Variants in AGFG1 observed in about 807,000 individuals in gnomAD.
AGFG1 encodes ArfGAP with FG repeats 1, also known as arf-GAP domain and FG repeat-containing protein 1.
A neutral mutation model predicts 60.6 loss-of-function variants in AGFG1; 10 were observed. The ratio of observed to expected loss-of-function variants is 0.16; its 90% CI spans 0.10 to 0.28. The LOEUF (loss-of-function observed/expected upper bound fraction) is 0.28. Ranked by LOEUF, AGFG1 falls within the 10% of genes least tolerant of loss-of-function variation. The pLI is 1.00. For missense variants in AGFG1, 537 were observed against 676.5 expected, an observed-to-expected ratio of 0.79 and a Z score of 2.29; for synonymous variants, 247 against 242.9, an observed-to-expected ratio of 1.02 and a Z score of -0.16.
intron 10 of AGFG1, among the ~76,000 whole-genome samples, chr2:227,550,701 C>G (rs747475052): frequency 2.6e-5 from 4 of 152,046 alleles, no homozygotes; most frequent in African/African-American, 4.8e-5. Context: ...TACAAACATA[C>G]GACTACAGGG....
chr2:227,497,646 T>C (rs951849271), intron 2 of AGFG1, among the ~76,000 whole-genome samples: 2 of 151,888 alleles, frequency 1.3e-5, no homozygotes, highest in Non-Finnish European at 2.9e-5. Flanking sequence ...TAGACATCTC[T>C]GTGGCATAAT....
intron 10 of AGFG1, among the ~76,000 whole-genome samples, chr2:227,537,394 AT>A (rs1383256114): frequency 6.6e-6 from 1 of 152,100 alleles, no homozygotes; most frequent in Non-Finnish European, 1.5e-5. Context: ...AGAAGTTTTT[AT>A]TTTCCCTATG....
intron 10 of AGFG1, among the ~76,000 whole-genome samples, chr2:227,544,679 C>T (rs1394957289): frequency 6.6e-6 from 1 of 152,116 alleles, no homozygotes; most frequent in Admixed American, 6.5e-5. Flanking sequence ...TCAGCATTTG[C>T]TTGTCTGTAA....
chr2:227,535,776 C>T (rs529426768), intron 8 of AGFG1, among the ~76,000 whole-genome samples: 1 of 152,030 alleles, frequency 6.6e-6, no homozygotes, highest in Non-Finnish European at 1.5e-5. Flanking sequence ...TGTAACACTT[C>T]CGGAAACATA....
intron 3 of AGFG1, among the ~76,000 whole-genome samples, chr2:227,521,855 T>C (rs1691836198): frequency 6.6e-6 from 1 of 152,136 alleles, no homozygotes; most frequent in African/African-American, 2.4e-5. Context: ...ATAATTACAG[T>C]TTATGTTATT....
chr2:227,554,391 C>T, intron 12 of AGFG1, 45 bp from the exon 13 acceptor site: 1 of 1,463,794 alleles, frequency 6.8e-7, no homozygotes, highest in Admixed American at 1.9e-5. Context: ...TTTGTACATG[C>T]ACTACTTTTG....
chr2:227,474,854 GTCAC>G (rs1559162108), intron 1 of AGFG1, among the ~76,000 whole-genome samples: 2 of 152,210 alleles, frequency 1.3e-5, no homozygotes, highest in Non-Finnish European at 1.5e-5. Flanking sequence ...TATTGAGAAT[GTCAC>G]TCAATCTATT....
In AGFG1 at chr2:227,496,078, A is replaced by G. The variant is rs1373502079; in HGVS notation, c.261+4438A>G. 3.3e-5 allele frequency among the ~76,000 whole-genome samples: 5 copies of G among 149,876 alleles called. No homozygotes were observed. In the South Asian group the frequency reaches 1.1e-3, roughly 32 times the overall value. ...GGTTACAGTGAGATTGTGCCACTGC[A>G]CTTCAGCCTGGGCAACAGAGTGAGA... is the stretch of plus-strand genomic sequence containing the variant. On this transcript the variant is annotated intron_variant, in intron 2 of 12. Coordinates refer to ENST00000310078, the MANE Select transcript of AGFG1 (RefSeq NM_004504.5).
At chr2:227,498,832 C>A (rs1363755616) in intron 2 of AGFG1, among the ~76,000 whole-genome samples, 2 of 152,124 alleles carry the variant, frequency 1.3e-5, no homozygotes, top group African/African-American at 4.8e-5. Flanking sequence ...CAGTGTATTT[C>A]TTTCTAGCTG....
Position 227,536,632 on chromosome 2 carries a change from T to C in AGFG1, c.1213T>C (p.Phe405Leu), listed in dbSNP as rs779154925. The C allele has an allele frequency of 9.3e-6, 15 of 1,613,462 alleles. No individual in the cohort carries two copies. The highest frequency in any genetic ancestry group is 1.2e-5 in the Non-Finnish European group (14 of 1,179,628). Residue 405 changes from phenylalanine to leucine, a missense_variant, in exon 9 of 13, where the codon TTT becomes CTT. Coordinates refer to ENST00000310078, the MANE Select transcript of AGFG1 (RefSeq NM_004504.5). ...TSTSNASSNVFGTVPVVASAQ... is the reference protein window; with the variant it reads ...TSTSNASSNVLGTVPVVASAQ... ...TTCAATATTTGTTCTCAGCAATGTT[T>C]TTGGAACAGTGCCAGTGGTTGCTTC...
At chr2:227,510,415 G>C (rs1691461421) in intron 2 of AGFG1, among the ~76,000 whole-genome samples, 2 of 152,144 alleles carry the variant, frequency 1.3e-5, no homozygotes, top group Non-Finnish European at 2.9e-5. Context: ...CTGAAAAATT[G>C]TATGTAGTGG....
chr2:227,492,813 G>GT (rs1310561221), intron 2 of AGFG1, among the ~76,000 whole-genome samples: 1 of 152,034 alleles, frequency 6.6e-6, no homozygotes, highest in East Asian at 1.9e-4. Context: ...GGATGAAAAG[G>GT]TAGGAGGCTT....
At chr2:227,535,164 T>C in intron 8 of AGFG1, 139 bp downstream of exon 8, 1 of 918,156 alleles carries the variant, frequency 1.1e-6, no homozygotes, top group Non-Finnish European at 1.6e-6. Flanking sequence ...AATTTGAATT[T>C]AAATGCTAAT....
At chr2:227,545,430 G>T (rs1449728693) in intron 10 of AGFG1, among the ~76,000 whole-genome samples, 1 of 152,194 alleles carries the variant, frequency 6.6e-6, no homozygotes, top group Non-Finnish European at 1.5e-5. Context: ...GGAGAAGTTT[G>T]TTATTACCGA....
chr2:227,472,344 G>A lies in AGFG1; in HGVS notation c.-78G>A, dbSNP rs1690115241. On this transcript the variant is annotated 5_prime_UTR_variant, in exon 1 of 13. Transcript: ENST00000310078. Reference sequence around the variant, plus strand: ...GAGGGCGGCGGCCGCGGCCAGGGCGGCCCGTGGGACCGCGGGCCCCCGGCG... The same window carrying A: ...GAGGGCGGCGGCCGCGGCCAGGGCGACCCGTGGGACCGCGGGCCCCCGGCG... 2.1e-6 allele frequency: 2 copies of A among 936,482 alleles called. No homozygotes were observed. Among genetic ancestry groups the A allele is most frequent in the African/African-American group, 1.8e-5 (1 of 55,734 alleles). The allele number at this position is 936,482 out of a possible 1,614,324, so 58.0% of individuals were successfully genotyped here.
At position 227,558,691 on chromosome 2, in the gene AGFG1, T is replaced by A. The variant is rs1290888385; in HGVS notation, c.*4196T>A. On this transcript the variant is annotated 3_prime_UTR_variant, in exon 13 of 13. Transcript: ENST00000310078. Reference sequence around the variant, plus strand: ...AACAGATGAATATATAACCACGATGTAATCCAGTGTTGTGCTGCTGAATGT... The same window carrying A: ...AACAGATGAATATATAACCACGATGAAATCCAGTGTTGTGCTGCTGAATGT... 1.3e-5 allele frequency: 2 copies of A among 152,216 alleles called. No homozygotes were observed. Among genetic ancestry groups the A allele is most frequent in the Non-Finnish European group, 2.9e-5 (2 of 68,030 alleles). 9.4% of individuals were successfully genotyped at this position (152,216 alleles called of 1,614,324 possible). A position where few individuals can be genotyped will look rare whatever the true frequency, so the allele number is the denominator to read the frequency against.
intron 10 of AGFG1, among the ~76,000 whole-genome samples, chr2:227,550,260 A>T (rs1220090216): frequency 2.0e-5 from 3 of 152,188 alleles, no homozygotes; most frequent in African/African-American, 7.2e-5. Context: ...TTGGGATTAC[A>T]TTGTATTTAA....
In AGFG1 at chr2:227,557,829, C is replaced by T. The variant is rs1693018764; in HGVS notation, c.*3334C>T. On this transcript the variant is annotated 3_prime_UTR_variant, in exon 13 of 13. Coordinates refer to ENST00000310078, the MANE Select transcript of AGFG1 (RefSeq NM_004504.5). ...AAACTCCACTGTGCACTTGTGAGAT[C>T]AGGAGAATGAAAACTATGTAATATC... is the stretch of plus-strand genomic sequence containing the variant. The T allele has an allele frequency of 6.6e-6, 1 of 152,132 alleles. No homozygotes were observed. The highest frequency in any genetic ancestry group is 6.6e-5 in the Admixed American group (1 of 15,264). 9.4% of individuals were successfully genotyped at this position (152,132 alleles called of 1,614,324 possible).
chr2:227,535,912 G>A (rs1222774302), intron 8 of AGFG1, among the ~76,000 whole-genome samples: 1 of 152,184 alleles, frequency 6.6e-6, no homozygotes, highest in Non-Finnish European at 1.5e-5. Flanking sequence ...TGGGGTCTGT[G>A]AGGTTAAAAC....
Sources: gnomAD v4.1 joint callset for allele counts (sites outside exome capture counted in the v4.1 genomes callset) on GRCh38, gnomAD v4.1.1 for gene constraint, MANE v1.5 for transcripts, NCBI Gene and HGNC (gene_info 2026-07-23, HGNC 2026-07-21) for gene names.